Variants in MAN1C1 observed in about 807,000 individuals in gnomAD.
MAN1C1 encodes the protein mannosidase alpha class 1C member 1.
Under a neutral mutation model 71.5 loss-of-function variants are expected in MAN1C1, and 49 were observed. That is an observed-to-expected ratio of 0.69 (90% CI 0.54 to 0.87). The LOEUF is 0.87. Ranked by LOEUF, MAN1C1 falls within the 40% of genes least tolerant of loss-of-function variation. The pLI is 0.00. For missense variants in MAN1C1, 743 were observed against 835.0 expected (o/e 0.89, Z 1.36); for synonymous variants, 352 against 343.7 (o/e 1.02, Z -0.27).
Position 25,618,124 on chromosome 1 carries a change from G to C in MAN1C1, c.327G>C (p.Leu109=), listed in dbSNP as rs1311001014. 2.0e-6 allele frequency: 3 copies of C among 1,516,184 alleles called. No individual in the cohort carries two copies. The South Asian group carries it at 3.7e-5, about 19-fold the overall frequency. The allele number at this position is 1,516,184 out of a possible 1,614,324, so 93.9% of individuals were successfully genotyped here. A position where few individuals can be genotyped will look rare whatever the true frequency, so the allele number is the denominator to read the frequency against. ...WASPRRRKGG[L]RRTRPTGPRE... ...GTCCCCGCCGCAGGAAAGGGGGGCT[G>C]CGGCGCACCCGCCCCACTGGACCCC... is the stretch of plus-strand genomic sequence containing the variant. Residue 109 remains leucine (L), a synonymous_variant, in exon 1 of 12, where the codon CTG becomes CTC. Transcript: ENST00000374332.
chr1:25,728,735 C>T (rs185533867), intron 2 of MAN1C1, among the ~76,000 whole-genome samples: 201 of 152,260 alleles, frequency 1.3e-3, no homozygotes, highest in South Asian at 6.0e-3. Flanking sequence ...TTGGGTCCTG[C>T]GGCTCCACCT....
Position 25,617,703 on chromosome 1 carries a change from A to AT in MAN1C1, c.-94dup. 4.0e-6 allele frequency: 5 copies of AT among 1,250,122 alleles called. No homozygotes were observed. The highest frequency in any genetic ancestry group is 5.4e-6 in the Non-Finnish European group (5 of 926,144). The allele number at this position is 1,250,122 out of a possible 1,614,324, so 77.4% of individuals were successfully genotyped here. A position where few individuals can be genotyped will look rare whatever the true frequency, so the allele number is the denominator to read the frequency against. On this transcript the variant is annotated 5_prime_UTR_variant, in exon 1 of 12. Transcript: ENST00000374332. The surrounding 1 kb of genome is among the most constrained non-coding windows in gnomAD (Gnocchi z 5.1). ...TTGGCAACCCTGCCCAGGGACCCCC[A>AT]TCCCGGGCGGCGCTCCGGACGCCCT...
chr1:25,751,235 TTCCA>T (rs2047210731), intron 4 of MAN1C1, among the ~76,000 whole-genome samples: 1 of 151,984 alleles, frequency 6.6e-6, no homozygotes, highest in African/African-American at 2.4e-5. Context: ...TTCCTTCTCC[TTCCA>T]TCCATCTTTT....
intron 1 of MAN1C1, among the ~76,000 whole-genome samples, chr1:25,659,872 T>C (rs959633415): frequency 6.6e-6 from 1 of 152,198 alleles, no homozygotes; most frequent in Non-Finnish European, 1.5e-5. Context: ...CCTGATTGTT[T>C]TACTGTATTA....
At chr1:25,622,833 A>G (rs1249533939) in intron 1 of MAN1C1, among the ~76,000 whole-genome samples, 3 of 152,184 alleles carry the variant, frequency 2.0e-5, no homozygotes, top group African/African-American at 7.2e-5. Context: ...GCTCCCCATT[A>G]ACGGGCTGGT....
At chr1:25,781,707 C>A (rs1216435421) in intron 10 of MAN1C1, among the ~76,000 whole-genome samples, 1 of 152,132 alleles carries the variant, frequency 6.6e-6, no homozygotes, top group Non-Finnish European at 1.5e-5. Context: ...CCCCACCACC[C>A]CCGTGCCCAT....
intron 1 of MAN1C1, among the ~76,000 whole-genome samples, chr1:25,633,606 G>A (rs1026142230): frequency 6.8e-6 from 1 of 148,056 alleles, no homozygotes; most frequent in East Asian, 2.0e-4. Flanking sequence ...ATTCTTGTTT[G>A]CTTTTGTTTC....
chr1:25,707,541 C>A (rs768566372), intron 2 of MAN1C1, among the ~76,000 whole-genome samples: 19 of 152,244 alleles, frequency 1.2e-4, no homozygotes, highest in African/African-American at 3.6e-4. Context: ...AGGTCAGCTT[C>A]TGTTCTGCTC....
At chr1:25,671,325 C>G (rs186245315) in intron 1 of MAN1C1, among the ~76,000 whole-genome samples, 29 of 152,302 alleles carry the variant, frequency 1.9e-4, no homozygotes, top group Non-Finnish European at 1.6e-4. Flanking sequence ...AGTAAGTGCT[C>G]AGTGGATGTC....
At chr1:25,677,389 G>A (rs1316524459) in intron 1 of MAN1C1, among the ~76,000 whole-genome samples, 1 of 150,602 alleles carries the variant, frequency 6.6e-6, no homozygotes, top group Admixed American at 6.6e-5. Context: ...ACCATCTAGA[G>A]CCACCCTCTA....
chr1:25,722,207 G>T (rs893220854), intron 2 of MAN1C1, among the ~76,000 whole-genome samples: 1 of 152,154 alleles, frequency 6.6e-6, no homozygotes, highest in Admixed American at 6.5e-5. Flanking sequence ...CTTATAGGGC[G>T]TACTCTTTGT....
intron 1 of MAN1C1, among the ~76,000 whole-genome samples, chr1:25,635,430 CTTTCTTTCT>C (rs1208997682): frequency 6.9e-6 from 1 of 145,098 alleles, no homozygotes; most frequent in Non-Finnish European, 1.5e-5. Flanking sequence ...ATTCTTTTTT[CTTTCTTTCT>C]TTTTTTTTTT....
At chr1:25,663,398 A>G (rs968170786) in intron 1 of MAN1C1, among the ~76,000 whole-genome samples, 1 of 152,010 alleles carries the variant, frequency 6.6e-6, no homozygotes, top group Non-Finnish European at 1.5e-5. Context: ...ACTGAACCTT[A>G]TATATACTAT....
chr1:25,686,985 G>A (rs2046240246), intron 2 of MAN1C1, among the ~76,000 whole-genome samples: 2 of 152,148 alleles, frequency 1.3e-5, no homozygotes, highest in African/African-American at 2.4e-5. Flanking sequence ...ATTTAGAGTC[G>A]GGGCTGGGGG....
chr1:25,680,306 G>A lies in MAN1C1; in HGVS notation c.541-6134G>A, dbSNP rs1026690481. Among the ~76,000 whole-genome samples, 12 of 152,186 alleles carry A rather than the reference G, an allele frequency of 7.9e-5. No homozygotes were observed. The South Asian group carries it at 1.9e-3, about 24-fold the overall frequency. On this transcript the variant is annotated intron_variant, in intron 1 of 11. Transcript: ENST00000374332. ...TTGAACTCCTGGCCTCAGATGATCC[G>A]CCCACCTGGGCCTCCCAAAGTGCTG...
rs183742725 is a variant in MAN1C1 at position 25,628,474 on chromosome 1, A to T, written c.540+10137A>T. ...AGGTGCATGTCACCATGCCTGGCTAATTTTTGTATTTTTAATAGAGACGGG... is the reference window on the plus strand; with the variant it reads ...AGGTGCATGTCACCATGCCTGGCTATTTTTTGTATTTTTAATAGAGACGGG... On this transcript the variant is annotated intron_variant, in intron 1 of 11. Coordinates refer to ENST00000374332, the MANE Select transcript of MAN1C1 (RefSeq NM_020379.4). Among the ~76,000 whole-genome samples the T allele has an allele frequency of 8.6e-5, 13 of 152,030 alleles. 1 individual carries two copies. The East Asian group carries it at 2.5e-3, about 30-fold the overall frequency.
Position 25,618,227 on chromosome 1 carries a change from G to T in MAN1C1, c.430G>T (p.Asp144Tyr), listed in dbSNP as rs1419996528. 9 of 1,600,802 alleles carry T rather than the reference G, an allele frequency of 5.6e-6. No homozygotes were observed. Among genetic ancestry groups the T allele is most frequent in the Non-Finnish European group, 6.8e-6 (8 of 1,176,060 alleles). ...PGDEGVPFRF[D>Y]FNAFRSRLRH... ...GGACGAGGGCGTCCCTTTCCGCTTT[G>T]ACTTCAACGCATTCCGGAGCCGTCT... Residue 144 changes from aspartate (D) to tyrosine (Y), a missense_variant, in exon 1 of 12, where the codon GAC becomes TAC. Asp to Tyr is a radical substitution (Grantham distance 160, BLOSUM62 -3). Transcript: ENST00000374332.
At position 25,692,969 on chromosome 1, in the gene MAN1C1, G is replaced by A. The variant is rs140247030; in HGVS notation, c.637+6433G>A. Among the ~76,000 whole-genome samples the A allele has an allele frequency of 2.4e-3, 361 of 152,170 alleles. 5 individuals carry two copies. Among genetic ancestry groups the A allele is most frequent in the South Asian group, 1.7e-3 (8 of 4,822 alleles). ...GCCTAATAACCTAAAAACATCTACA[G>A]TTCACCCTTGAACAACACAGGGGTA... is the stretch of plus-strand genomic sequence containing the variant. On this transcript the variant is annotated intron_variant, in intron 2 of 11. Transcript: ENST00000374332.
In MAN1C1 at chr1:25,668,363, G is replaced by T. The variant is rs1203482361; in HGVS notation, c.541-18077G>T. On this transcript the variant is annotated intron_variant, in intron 1 of 11. Transcript: ENST00000374332. ...CTGCCTCCCCACACTAGGATGTAGA[G>T]GCCATGAAGGCAGCCGCCATTCCTA... Among the ~76,000 whole-genome samples the T allele has an allele frequency of 2.0e-5, 3 of 152,062 alleles. No individual in the cohort carries two copies. The East Asian group carries it at 5.8e-4, about 30-fold the overall frequency.
Sources: allele counts gnomAD v4.1 joint callset (sites outside exome capture counted in the v4.1 genomes callset), GRCh38; gene constraint gnomAD v4.1.1; non-coding constraint Gnocchi (gnomAD v3.1); transcripts MANE v1.5; gene names NCBI Gene and HGNC (gene_info 2026-07-23, HGNC 2026-07-21).